The following KAZN variants were observed in gnomAD, a reference collection of about 807,000 sequenced individuals.
KAZN encodes kazrin.
Under a neutral mutation model 87.4 loss-of-function variants are expected in KAZN, and 40 were observed. That is an observed-to-expected ratio of 0.46 (90% CI 0.36 to 0.60). The LOEUF (loss-of-function observed/expected upper bound fraction) is 0.60, where lower values mean the gene tolerates loss of function less well. Ranked by LOEUF, KAZN falls within the 20% of genes least tolerant of loss-of-function variation. The pLI is 0.00. For synonymous variants in KAZN, 466 were observed against 458.3 expected, an observed-to-expected ratio of 1.02 and a Z score of -0.22; for missense variants, 898 against 1,073.9, an observed-to-expected ratio of 0.84 and a Z score of 2.29.
At chr1:14,127,287 C>T (rs576493384) in intron 1 of KAZN, among the ~76,000 whole-genome samples, 8 of 152,002 alleles carry the variant, frequency 5.3e-5, no homozygotes, top group Middle Eastern at 3.4e-3. Flanking sequence ...AATGAGGGAG[C>T]GATTTAACAT....
intron 2 of KAZN, among the ~76,000 whole-genome samples, chr1:14,546,144 C>G (rs1291975106): frequency 6.6e-6 from 1 of 152,206 alleles, no homozygotes; most frequent in Non-Finnish European, 1.5e-5. Context: ...CAGTTCTCTA[C>G]CCTACCCCAG....
chr1:14,598,609 T>G (rs1295787), upstream of KAZN: 859,811 of 1,052,856 alleles, frequency 0.82, 352,075 homozygotes, highest in African/African-American at 0.93. The surrounding 1 kb of genome is among the most constrained non-coding windows in gnomAD (Gnocchi z 4.2). Flanking sequence ...GCCCCCAGCC[T>G]CCGACCGAGA....
At chr1:14,740,911 C>A (rs1997762) in intron 1 of KAZN, among the ~76,000 whole-genome samples, 68,136 of 152,060 alleles carry the variant, frequency 0.45, 15,724 homozygotes, top group African/African-American at 0.54. Flanking sequence ...TGGGGAATGA[C>A]AGACACTTTC....
intron 1 of KAZN, among the ~76,000 whole-genome samples, chr1:14,767,636 T>A (rs1457801922): frequency 1.3e-5 from 2 of 151,068 alleles, no homozygotes; most frequent in African/African-American, 4.9e-5. Flanking sequence ...CTTGGAAGAG[T>A]TTCTTCGAGC....
At chr1:14,780,386 T>C (rs1044127391) in intron 1 of KAZN, among the ~76,000 whole-genome samples, 1 of 152,158 alleles carries the variant, frequency 6.6e-6, no homozygotes, top group African/African-American at 2.4e-5. Flanking sequence ...CTGGAATGTG[T>C]GGAGGAGCTA....
intron 1 of KAZN, among the ~76,000 whole-genome samples, chr1:14,058,222 C>T (rs182341173): frequency 1.3e-4 from 20 of 152,236 alleles, no homozygotes; most frequent in South Asian, 4.2e-4. Context: ...TCTAGGGACT[C>T]CCACACAGAC....
chr1:14,529,322 T>G (rs1672087354), intron 2 of KAZN, among the ~76,000 whole-genome samples: 1 of 152,142 alleles, frequency 6.6e-6, no homozygotes, highest in Admixed American at 6.5e-5. Context: ...AATAATTGTC[T>G]TTCTTGTGCT....
chr1:14,348,306 C>A (rs1038623357), intron 2 of KAZN, among the ~76,000 whole-genome samples: 2 of 152,122 alleles, frequency 1.3e-5, no homozygotes, highest in African/African-American at 4.8e-5. Context: ...CCCTCCCCAG[C>A]CTCTCCAAAT....
intron 1 of KAZN, among the ~76,000 whole-genome samples, chr1:13,977,122 T>C (rs1277625405): frequency 1.3e-5 from 2 of 152,206 alleles, no homozygotes; most frequent in Non-Finnish European, 2.9e-5. Context: ...GAGAGATCCT[T>C]ACCTGTGCAG....
intron 1 of KAZN, among the ~76,000 whole-genome samples, chr1:14,048,805 C>T (rs914384997): frequency 6.6e-6 from 1 of 152,166 alleles, no homozygotes; most frequent in South Asian, 2.1e-4. Flanking sequence ...ATTGCTGGGT[C>T]AAATGGTATT....
intron 14 of KAZN, chr1:15,113,795 A>T (rs1641744549): frequency 6.6e-6 from 1 of 152,258 alleles, no homozygotes; most frequent in Non-Finnish European, 1.5e-5. Flanking sequence ...CAGGGACTAC[A>T]GGAGCTCGCC....
chr1:14,129,757 A>G (rs1009796564), intron 1 of KAZN, among the ~76,000 whole-genome samples: 1 of 152,144 alleles, frequency 6.6e-6, no homozygotes, highest in African/African-American at 2.4e-5. Context: ...GGGATGTGGG[A>G]GAGAGAGAAG....
At chr1:14,009,930 G>A (rs1238373934) in intron 1 of KAZN, among the ~76,000 whole-genome samples, 5 of 151,974 alleles carry the variant, frequency 3.3e-5, no homozygotes, top group African/African-American at 9.7e-5. Flanking sequence ...CTGGGAAACC[G>A]GGTGGTTTCC....
At chr1:13,951,691 T>TTGGGATGA (rs1297804788) in intron 1 of KAZN, among the ~76,000 whole-genome samples, 1 of 151,952 alleles carries the variant, frequency 6.6e-6, no homozygotes, top group Admixed American at 6.6e-5. Context: ...CTGGGTTGAT[T>TTGGGATGA]TGGGATGATA....
chr1:14,117,432 C>T lies in KAZN; in HGVS notation c.92-63003C>T, dbSNP rs151169903. On this transcript the variant is annotated intron_variant, in intron 1 of 16. Transcript: ENST00000636203. ...TATGTGAGACATGCCTTTCACCTTC[C>T]GCCATGATTGTGAGGCCTACCCAGC... Among the ~76,000 whole-genome samples, 29 of 152,264 alleles carry T rather than the reference C, an allele frequency of 1.9e-4. No homozygotes were observed. In the East Asian group the frequency reaches 2.9e-3, roughly 15 times the overall value.
intron 1 of KAZN, among the ~76,000 whole-genome samples, chr1:14,869,590 C>T (rs904044206): frequency 3.9e-5 from 6 of 152,240 alleles, no homozygotes; most frequent in African/African-American, 7.2e-5. Flanking sequence ...CTTTCTGGAT[C>T]GGAATTGAAA....
chr1:14,281,993 A>C (rs931104191), intron 2 of KAZN, among the ~76,000 whole-genome samples: 21 of 152,174 alleles, frequency 1.4e-4, no homozygotes, highest in African/African-American at 5.1e-4. Flanking sequence ...CCACACCTAC[A>C]GTTTAAGGAA....
intron 1 of KAZN, among the ~76,000 whole-genome samples, chr1:13,896,042 A>T (rs1041028035): frequency 6.6e-6 from 1 of 151,952 alleles, no homozygotes; most frequent in African/African-American, 2.4e-5. Context: ...CCCAGGCTAC[A>T]GTGCAGTGGC....
rs1055400705 is a variant in KAZN, at chr1:15,101,365, C to CT, written c.1548-172dup. ...CTGCCCTTTCTGTCTCATTTTTTCC[C>CT]TTTTTTCCTCTTGATCTCTCGGCTC... On this transcript the variant is annotated intron_variant, in intron 10 of 14. Transcript: ENST00000376030. 9.9e-4 allele frequency among the ~76,000 whole-genome samples: 150 copies of CT among 151,854 alleles called. 1 individual carries two copies. Among genetic ancestry groups the CT allele is most frequent in the African/African-American group, 3.5e-3 (143 of 41,394 alleles).
Sources: allele counts gnomAD v4.1 joint callset (sites outside exome capture counted in the v4.1 genomes callset), GRCh38; gene constraint gnomAD v4.1.1; non-coding constraint Gnocchi (gnomAD v3.1); transcripts MANE v1.5; gene names NCBI Gene and HGNC (gene_info 2026-07-23, HGNC 2026-07-21).